The following NCOR2 variants were observed in gnomAD, a reference collection of about 807,000 sequenced individuals.
NCOR2 encodes the protein CTG repeat protein 26.
A neutral mutation model predicts 262.9 loss-of-function variants in NCOR2; 81 were observed. The observed-to-expected ratio is 0.31, with a 90% CI of 0.26 to 0.37. The LOEUF is 0.37. Among genes scored for constraint, NCOR2 ranks in the 10% least tolerant of loss-of-function variants. The pLI is 1.00. For synonymous variants in NCOR2, 1,659 were observed against 1,559.3 expected (o/e 1.06, Z -1.51); for missense variants, 3,385 against 3,621.4 (o/e 0.93, Z 1.68).
rs528112018 is a variant in NCOR2 at position 124,325,539 on chromosome 12, C to T, written c.7408G>A (p.Ala2470Thr). The T allele has an allele frequency of 3.4e-5, 45 of 1,336,568 alleles. No homozygotes were observed. In the South Asian group the frequency reaches 7.9e-4, roughly 23 times the overall value. 82.8% of individuals were successfully genotyped at this position (1,336,568 alleles called of 1,614,324 possible). A position where few individuals can be genotyped will look rare whatever the true frequency, so the allele number is the denominator to read the frequency against. The stretch of plus-strand genomic sequence containing the variant: ...GGGGGTGGGGAAGCCATGACACCCG[C>T]CTGCAGCCGCATGATCAGGGGGTTG... Residue 2470 changes from alanine (A) to threonine (T), a missense_variant, in exon 47 of 47, where the codon GCG becomes ACG. This residue lies in a region of NCOR2 where 1,017 missense variants were observed against 967.2 expected (regional missense o/e 1.05). Coordinates refer to ENST00000405201, the Ensembl canonical transcript of NCOR2.
intron 15 of NCOR2, among the ~76,000 whole-genome samples, chr12:124,400,197 AC>A (rs1270300163): frequency 6.6e-6 from 1 of 151,872 alleles, no homozygotes; most frequent in Non-Finnish European, 1.5e-5. Flanking sequence ...CTCTTCCTAC[AC>A]CCCAGGCACT....
At chr12:124,515,224 T>G (rs1460321814) in intron 1 of NCOR2, among the ~76,000 whole-genome samples, 1 of 152,038 alleles carries the variant, frequency 6.6e-6, no homozygotes. Flanking sequence ...AAACATTAGC[T>G]GGGCTTGATG....
intron 1 of NCOR2, among the ~76,000 whole-genome samples, chr12:124,521,250 G>A (rs2050167980): frequency 6.6e-6 from 1 of 152,218 alleles, no homozygotes; most frequent in African/African-American, 2.4e-5. Flanking sequence ...ACAGATACGA[G>A]TGGAGCAGGG....
intron 1 of NCOR2, among the ~76,000 whole-genome samples, chr12:124,524,667 G>A (rs921718823): frequency 8.5e-5 from 13 of 152,302 alleles, no homozygotes; most frequent in African/African-American, 2.6e-4. Context: ...AACTCGGCTC[G>A]AGTGTGTCTC....
In NCOR2 at chr12:124,362,301, A is replaced by G; in HGVS notation, c.2929-4T>C. 2 of 1,320,252 alleles carry G rather than the reference A, an allele frequency of 1.5e-6. No individual in the cohort carries two copies. Among genetic ancestry groups the G allele is most frequent in the Non-Finnish European group, 1.9e-6 (2 of 1,034,302 alleles). The allele number at this position is 1,320,252 out of a possible 1,614,324, so 81.8% of individuals were successfully genotyped here. On this transcript the variant is annotated splice_polypyrimidine_tract_variant and splice_region_variant and intron_variant, in intron 21 of 46. Coordinates refer to ENST00000405201, the Ensembl canonical transcript of NCOR2. The stretch of plus-strand genomic sequence containing the variant: ...GCTCATGGACTTTGGTGACCTGCTG[A>G]GGGAAGCAGGCAGAAGTGAGCATTC...
chr12:124,536,572 C>A (rs118086284), upstream of NCOR2, among the ~76,000 whole-genome samples: 657 of 152,276 alleles, frequency 4.3e-3, 7 homozygotes, highest in Middle Eastern at 0.027. Flanking sequence ...TGCCCAACGT[C>A]ATCAGTCCTT....
chr12:124,356,280 AAATGCAGCCTC>A (rs1197885851), intron 23 of NCOR2, among the ~76,000 whole-genome samples: 1 of 152,314 alleles, frequency 6.6e-6, no homozygotes, highest in African/African-American at 2.4e-5. Flanking sequence ...AACAGGGCCG[AAATGCAGCCTC>A]ACAGAGTCTG....
intron 30 of NCOR2, chr12:124,347,445 T>C (rs940195835): frequency 4.5e-6 from 1 of 224,052 alleles, no homozygotes; most frequent in Non-Finnish European, 8.8e-6. Context: ...TAGCTGGCTG[T>C]GCCATGGACC....
At chr12:124,565,204 A>G (rs1045404692) in intron 1 of NCOR2, among the ~76,000 whole-genome samples, 2 of 152,066 alleles carry the variant, frequency 1.3e-5, no homozygotes, top group African/African-American at 4.8e-5. Context: ...CAGCAGCGTA[A>G]ATAGCTCAGT....
At chr12:124,337,469 C>T (rs2035991106) in intron 37 of NCOR2, among the ~76,000 whole-genome samples, 1 of 152,248 alleles carries the variant, frequency 6.6e-6, no homozygotes, top group Non-Finnish European at 1.5e-5. Context: ...CGGATGCAAG[C>T]ATCTTACCAT....
intron 8 of NCOR2, among the ~76,000 whole-genome samples, chr12:124,433,902 A>G (rs28665199): frequency 0.18 from 125 of 698 alleles, 7 homozygotes; most frequent in African/African-American, 0.36. Context: ...ACACACACGC[A>G]CACACACACA....
chr12:124,515,727 T>A (rs978802215), intron 1 of NCOR2, among the ~76,000 whole-genome samples: 5 of 150,138 alleles, frequency 3.3e-5, no homozygotes, highest in Admixed American at 2.0e-4. Flanking sequence ...ATGGTGTGTA[T>A]GTTCACAAGT....
intron 16 of NCOR2, among the ~76,000 whole-genome samples, chr12:124,397,697 G>T (rs2063114): frequency 6.6e-6 from 1 of 151,966 alleles, no homozygotes; most frequent in Admixed American, 6.5e-5. Context: ...CTGGATGAAC[G>T]CCCTGCAGGT....
chr12:124,472,802 G>C, intron 4 of NCOR2, 150 bp downstream of exon 6: 1 of 959,818 alleles, frequency 1.0e-6, no homozygotes, highest in Non-Finnish European at 1.6e-6. Flanking sequence ...TTCTGTGGAT[G>C]TGCTCCTGTC....
intron 1 of NCOR2, among the ~76,000 whole-genome samples, chr12:124,508,463 C>T (rs1405622692): frequency 6.6e-6 from 1 of 152,118 alleles, no homozygotes; most frequent in Non-Finnish European, 1.5e-5. Context: ...AGGGCAGGGA[C>T]AAAAAGCAAG....
chr12:124,325,549 C>G (rs1388925128), exon 47 of NCOR2: 1 of 1,332,458 alleles, frequency 7.5e-7, no homozygotes, highest in African/African-American at 1.5e-5. Context: ...CCTGCAGCCG[C>G]ATGATCAGGG....
At chr12:124,491,625 G>C (rs1167492602) in intron 1 of NCOR2, among the ~76,000 whole-genome samples, 1 of 152,212 alleles carries the variant, frequency 6.6e-6, no homozygotes, top group South Asian at 2.1e-4. Context: ...TAGCCCATTC[G>C]TTTAGCCCAA....
At chr12:124,453,739 G>A (rs886582640) in intron 6 of NCOR2, among the ~76,000 whole-genome samples, 1 of 152,222 alleles carries the variant, frequency 6.6e-6, no homozygotes, top group African/African-American at 2.4e-5. Flanking sequence ...GACTCAAAGC[G>A]GCAGAGAGGT....
intron 13 of NCOR2, among the ~76,000 whole-genome samples, chr12:124,404,603 AG>A (rs1397507752): frequency 6.6e-6 from 1 of 152,218 alleles, no homozygotes; most frequent in Non-Finnish European, 1.5e-5. Context: ...GGCCGCAGGC[AG>A]GGGCCAGTTG....
Sources: allele counts gnomAD v4.1 joint callset (sites outside exome capture counted in the v4.1 genomes callset), GRCh38; gene constraint gnomAD v4.1.1; regional missense constraint gnomAD v4.1.1; transcripts MANE v1.5; gene names NCBI Gene and HGNC (gene_info 2026-07-23, HGNC 2026-07-21).